Variants in SOX5 observed in about 807,000 individuals in gnomAD.
The protein encoded by SOX5 is SRY-box transcription factor 5.
Under a neutral mutation model 92.0 loss-of-function variants are expected in SOX5, and 9 were observed. The ratio of observed to expected loss-of-function variants is 0.10; its 90% CI spans 0.06 to 0.17. SOX5 has a LOEUF of 0.17. Among genes scored for constraint, SOX5 ranks in the 10% least tolerant of loss-of-function variants. The probability of loss-of-function intolerance (pLI) is 1.00; values close to 1 mark genes in which losing one functional copy is unlikely to be tolerated. For synonymous variants in SOX5, 344 were observed against 336.3 expected (o/e 1.02, Z -0.25); for missense variants, 642 against 944.5 (o/e 0.68, Z 4.20).
chr12:23,929,457 C>T (rs1398353875), intron 1 of SOX5, among the ~76,000 whole-genome samples: 1 of 151,810 alleles, frequency 6.6e-6, no homozygotes, highest in East Asian at 1.9e-4. Flanking sequence ...CAGGGGTCTC[C>T]TAAGTATGAG....
chr12:23,846,278 G>A, intron 2 of SOX5, 85 bp from the exon 3 acceptor site: 2 of 1,044,710 alleles, frequency 1.9e-6, no homozygotes, highest in South Asian at 1.3e-5. Flanking sequence ...GAAAGAGAAA[G>A]CAAAAGGACA....
chr12:23,864,117 AT>A (rs1361708797), intron 2 of SOX5, among the ~76,000 whole-genome samples: 6 of 151,478 alleles, frequency 4.0e-5, no homozygotes, highest in Non-Finnish European at 8.8e-5. Flanking sequence ...CATTATAATT[AT>A]TTCTACTTGG....
At chr12:24,293,154 C>G (rs906314576) in intron 2 of SOX5, among the ~76,000 whole-genome samples, 4 of 152,170 alleles carry the variant, frequency 2.6e-5, no homozygotes, top group Admixed American at 6.5e-5. Context: ...TTACCTGATT[C>G]CTCCAATGGC....
intron 3 of SOX5, among the ~76,000 whole-genome samples, chr12:23,812,179 C>A (rs1022752663): frequency 4.6e-5 from 7 of 151,936 alleles, no homozygotes; most frequent in African/African-American, 1.7e-4. Context: ...CTGGTAGTTT[C>A]TACAACTAAA....
intron 4 of SOX5, among the ~76,000 whole-genome samples, chr12:24,137,465 T>G (rs1241361179): frequency 1.3e-5 from 2 of 152,040 alleles, no homozygotes; most frequent in Non-Finnish European, 2.9e-5. Flanking sequence ...ACCCCGTCTC[T>G]ATTTAAAAAT....
intron 8 of SOX5, among the ~76,000 whole-genome samples, chr12:23,628,791 T>G (rs1399282054): frequency 6.6e-6 from 1 of 151,774 alleles, no homozygotes; most frequent in Admixed American, 6.6e-5. Flanking sequence ...TGTGCAGGGC[T>G]GGCTTAAGCT....
chr12:23,834,218 A>C (rs969025553), intron 3 of SOX5, among the ~76,000 whole-genome samples: 1 of 151,910 alleles, frequency 6.6e-6, no homozygotes, highest in African/African-American at 2.4e-5. Flanking sequence ...AAAACAGCAC[A>C]GTAATATTAA....
chr12:23,574,103 A>T (rs1358279216), intron 10 of SOX5, among the ~76,000 whole-genome samples: 1 of 151,784 alleles, frequency 6.6e-6, no homozygotes, highest in African/African-American at 2.4e-5. Context: ...ATAATACATT[A>T]GTTATCTATA....
chr12:23,976,420 A>T (rs1948916933), intron 4 of SOX5, among the ~76,000 whole-genome samples: 1 of 146,572 alleles, frequency 6.8e-6, no homozygotes, highest in South Asian at 2.2e-4. Flanking sequence ...AAAAAAAAAA[A>T]AAAAGAAGAG....
intron 6 of SOX5, among the ~76,000 whole-genome samples, chr12:23,707,952 T>A (rs2091610728): frequency 2.0e-5 from 3 of 152,126 alleles, no homozygotes; most frequent in South Asian, 4.1e-4. Flanking sequence ...TCTTTTCAAC[T>A]GATGCCTTTA....
At chr12:24,538,343 A>T (rs999801116) in intron 1 of SOX5, among the ~76,000 whole-genome samples, 3 of 152,176 alleles carry the variant, frequency 2.0e-5, no homozygotes, top group Admixed American at 6.5e-5. Context: ...TCTTAAAAAA[A>T]AGTTTGAATT....
At chr12:24,320,467 C>T (rs1950100589) in intron 2 of SOX5, among the ~76,000 whole-genome samples, 1 of 152,160 alleles carries the variant, frequency 6.6e-6, no homozygotes, top group Non-Finnish European at 1.5e-5. Context: ...AAAGTCTTAT[C>T]TAGTGTCTTT....
At chr12:24,498,003 C>T (rs771138929) in intron 1 of SOX5, among the ~76,000 whole-genome samples, 1 of 152,050 alleles carries the variant, frequency 6.6e-6, no homozygotes, top group Non-Finnish European at 1.5e-5. Flanking sequence ...ATGATGAGAA[C>T]ACAAGGACAC....
intron 1 of SOX5, among the ~76,000 whole-genome samples, chr12:24,385,736 G>C (rs918708310): frequency 2.0e-5 from 3 of 151,926 alleles, no homozygotes; most frequent in Non-Finnish European, 2.9e-5. Flanking sequence ...TCAGGAGTTT[G>C]AGACCAGCAG....
chr12:24,104,161 A>G (rs1946407646), intron 4 of SOX5, among the ~76,000 whole-genome samples: 1 of 152,246 alleles, frequency 6.6e-6, no homozygotes, highest in Non-Finnish European at 1.5e-5. Flanking sequence ...TGCAAGCAAG[A>G]AAGTTTATGG....
At position 24,480,413 on chromosome 12, in the gene SOX5, G is replaced by A. The variant is rs1038408219; in HGVS notation, c.-251+81916C>T. On this transcript the variant is annotated intron_variant, in intron 1 of 4. Coordinates refer to the SOX5 transcript ENST00000446891. ...AAAGCAAAAAAGAACAAATGAGATCGCAAAATGTTAAAAAGCTTCTGTGCC... is the reference window on the plus strand; with the variant it reads ...AAAGCAAAAAAGAACAAATGAGATCACAAAATGTTAAAAAGCTTCTGTGCC... 4.6e-5 allele frequency among the ~76,000 whole-genome samples: 7 copies of A among 152,114 alleles called. No individual in the cohort carries two copies. In the East Asian group the frequency reaches 5.8e-4, roughly 13 times the overall value.
intron 11 of SOX5, among the ~76,000 whole-genome samples, chr12:23,552,854 C>G (rs1944460573): frequency 6.6e-6 from 1 of 151,898 alleles, no homozygotes; most frequent in Admixed American, 6.6e-5. Flanking sequence ...AGGCCCTTTT[C>G]ATTTTCTTTC....
intron 3 of SOX5, among the ~76,000 whole-genome samples, chr12:23,791,259 T>C (rs1049922056): frequency 6.6e-5 from 10 of 152,220 alleles, no homozygotes; most frequent in Admixed American, 1.3e-4. Flanking sequence ...CAGATATTGT[T>C]TTCCTGAACT....
intron 1 of SOX5, among the ~76,000 whole-genome samples, chr12:24,472,215 A>G (rs1944890357): frequency 6.6e-6 from 1 of 152,184 alleles, no homozygotes; most frequent in South Asian, 2.1e-4. Flanking sequence ...AGGAACCCAG[A>G]GGAAGTCTGG....
Sources: gnomAD v4.1 joint callset for allele counts (sites outside exome capture counted in the v4.1 genomes callset) on GRCh38, gnomAD v4.1.1 for gene constraint, MANE v1.5 for transcripts, NCBI Gene and HGNC (gene_info 2026-07-23, HGNC 2026-07-21) for gene names.